The following PACS1 variants were observed in gnomAD, a reference collection of about 807,000 sequenced individuals.
The protein encoded by PACS1 is phosphofurin acidic cluster sorting protein 1, also known as PACS-1.
Under a neutral mutation model 115.0 loss-of-function variants are expected in PACS1, and 24 were observed. The observed-to-expected ratio is 0.21, with a 90% confidence interval of 0.15 to 0.29. PACS1 has a LOEUF of 0.29. PACS1 is among the 10% of genes least tolerant of loss of function. The pLI, the probability that PACS1 is intolerant of heterozygous loss-of-function variation, is 1.00. For synonymous variants in PACS1, 453 were observed against 504.5 expected (o/e 0.90, Z 1.37); for missense variants, 838 against 1,251.2 (o/e 0.67, Z 4.98).
chr11:66,178,737 G>T (rs1859935503), intron 1 of PACS1, among the ~76,000 whole-genome samples: 1 of 152,004 alleles, frequency 6.6e-6, no homozygotes, highest in Non-Finnish European at 1.5e-5. Flanking sequence ...TTACTGTGTG[G>T]CTTAATAGAA....
chr11:66,199,790 C>T (rs143418884), intron 2 of PACS1, among the ~76,000 whole-genome samples: 1,552 of 147,420 alleles, frequency 0.011, 30 homozygotes, highest in African/African-American at 0.036. Context: ...GAGCCCAAGG[C>T]GGGCAAATCA....
intron 1 of PACS1, among the ~76,000 whole-genome samples, chr11:66,107,497 G>C (rs1013778926): frequency 6.6e-6 from 1 of 152,164 alleles, no homozygotes; most frequent in African/African-American, 2.4e-5. Context: ...TGAGGGCCAT[G>C]ATTTGTACTG....
intron 2 of PACS1, among the ~76,000 whole-genome samples, chr11:66,195,682 T>C (rs1348608097): frequency 6.6e-6 from 1 of 152,226 alleles, no homozygotes; most frequent in Non-Finnish European, 1.5e-5. Flanking sequence ...TAATTACAGA[T>C]GTCACCACAT....
chr11:66,233,171 C>A lies in PACS1; in HGVS notation c.1838+105C>A. On this transcript the variant is annotated intron_variant, in intron 15 of 23. Transcript: ENST00000320580. This position sits in a 1 kb window ranked among gnomAD's most constrained non-coding sequence, Gnocchi z 4.5. Reference sequence around the variant, plus strand: ...ATAGACCCTCCTGGCCTCATCAGACCAAGAATTTGCAGAGGGGCGTATGTT... The same window carrying A: ...ATAGACCCTCCTGGCCTCATCAGACAAAGAATTTGCAGAGGGGCGTATGTT... 2 of 816,406 alleles carry A rather than the reference C, an allele frequency of 2.4e-6. No homozygotes were observed. Among genetic ancestry groups the A allele is most frequent in the Non-Finnish European group, 3.9e-6 (2 of 507,516 alleles). 50.6% of individuals were successfully genotyped at this position (816,406 alleles called of 1,614,324 possible).
chr11:66,151,327 C>T (rs374932895), intron 1 of PACS1, among the ~76,000 whole-genome samples: 1 of 151,852 alleles, frequency 6.6e-6, no homozygotes, highest in Non-Finnish European at 1.5e-5. Context: ...AAAGCTGAAG[C>T]CTTACTGGCT....
intron 10 of PACS1, among the ~76,000 whole-genome samples, chr11:66,223,056 A>C (rs1247798668): frequency 8.2e-5 from 2 of 24,314 alleles, no homozygotes; most frequent in East Asian, 2.1e-3. Flanking sequence ...TCGATTTACA[A>C]AAAAAAAAAA....
chr11:66,129,301 G>A (rs562550965), intron 1 of PACS1, among the ~76,000 whole-genome samples: 4 of 151,234 alleles, frequency 2.6e-5, no homozygotes, highest in East Asian at 1.9e-4. Flanking sequence ...GTGTGGTGGC[G>A]CGCACTTGTA....
intron 1 of PACS1, among the ~76,000 whole-genome samples, chr11:66,182,002 C>T (rs967052546): frequency 2.0e-5 from 3 of 152,228 alleles, no homozygotes; most frequent in African/African-American, 4.8e-5. Context: ...CTAGTTCACA[C>T]AGCAATTCTA....
intron 1 of PACS1, among the ~76,000 whole-genome samples, chr11:66,089,688 G>A (rs945140181): frequency 6.6e-6 from 1 of 152,096 alleles, no homozygotes; most frequent in African/African-American, 2.4e-5. Context: ...ACTTATAAAT[G>A]CTTTGTATCT....
At chr11:66,181,608 G>A (rs961302236) in intron 1 of PACS1, among the ~76,000 whole-genome samples, 1 of 152,128 alleles carries the variant, frequency 6.6e-6, no homozygotes, top group Non-Finnish European at 1.5e-5. Flanking sequence ...GTTCTTTTGA[G>A]CTTATTAATG....
intron 1 of PACS1, among the ~76,000 whole-genome samples, chr11:66,100,461 G>T (rs935311465): frequency 6.6e-6 from 1 of 152,184 alleles, no homozygotes; most frequent in African/African-American, 2.4e-5. Context: ...CTAGTAGGTG[G>T]AAGCAGGAAA....
At chr11:66,216,450 C>T (rs192791795) in intron 5 of PACS1, 70 bp from the exon 6 acceptor site, 1,720 of 1,477,788 alleles carry the variant, frequency 1.2e-3, no homozygotes, top group Non-Finnish European at 1.5e-3. Context: ...ACCATTGATT[C>T]CAGCCCATCG....
intron 1 of PACS1, among the ~76,000 whole-genome samples, chr11:66,127,107 T>C (rs1334929278): frequency 2.0e-5 from 3 of 152,196 alleles, no homozygotes; most frequent in South Asian, 2.1e-4. Flanking sequence ...ATTATTTAGC[T>C]GTCAAGCAGG....
intron 1 of PACS1, among the ~76,000 whole-genome samples, chr11:66,173,417 C>A (rs1442915428): frequency 6.6e-6 from 1 of 152,042 alleles, no homozygotes; most frequent in Non-Finnish European, 1.5e-5. Flanking sequence ...TGTAAAAAAC[C>A]TAACACTCAG....
chr11:66,145,382 C>A (rs982366745), intron 1 of PACS1, among the ~76,000 whole-genome samples: 1 of 152,064 alleles, frequency 6.6e-6, no homozygotes, highest in African/African-American at 2.4e-5. Flanking sequence ...AGCCCCTGTC[C>A]GGTGGCATTG....
intron 2 of PACS1, among the ~76,000 whole-genome samples, chr11:66,202,742 A>ATATAT (rs1554988696): frequency 1.7e-4 from 12 of 71,578 alleles, no homozygotes; most frequent in African/African-American, 5.6e-4. Flanking sequence ...AAAAAAAAAA[A>ATATAT]ATATATATAT....
intron 1 of PACS1, among the ~76,000 whole-genome samples, chr11:66,103,372 C>CT (rs1214100788): frequency 6.6e-6 from 1 of 152,000 alleles, no homozygotes; most frequent in Non-Finnish European, 1.5e-5. Flanking sequence ...ATCTTGGTAT[C>CT]TACAGCTCAC....
chr11:66,199,287 C>A (rs1854720680), intron 2 of PACS1, among the ~76,000 whole-genome samples: 1 of 150,360 alleles, frequency 6.7e-6, no homozygotes. Flanking sequence ...TGCACTCCAG[C>A]CTGGGCAACA....
intron 17 of PACS1, among the ~76,000 whole-genome samples, chr11:66,234,897 AAAAT>A (rs1360059018): frequency 6.6e-6 from 1 of 152,044 alleles, no homozygotes; most frequent in African/African-American, 2.4e-5. Context: ...TAAAAATAAA[AAAAT>A]AAAGGTGGCA....
Sources: gnomAD v4.1 joint callset for allele counts (sites outside exome capture counted in the v4.1 genomes callset) on GRCh38, gnomAD v4.1.1 for gene constraint, Gnocchi (gnomAD v3.1) non-coding constraint, MANE v1.5 for transcripts, NCBI Gene and HGNC (gene_info 2026-07-23, HGNC 2026-07-21) for gene names.